PRAME: variants seen among roughly 807,000 people sequenced by gnomAD.
The protein encoded by PRAME is PRAME nuclear receptor transcriptional regulator.
A neutral mutation model predicts 32.1 loss-of-function variants in PRAME; 21 were observed. The ratio of observed to expected loss-of-function variants is 0.65; its 90% CI spans 0.46 to 0.94. PRAME has a LOEUF of 0.94. PRAME is among the 40% of genes least tolerant of loss of function. The probability of loss-of-function intolerance (pLI) is 0.00; values close to 1 mark genes in which losing one functional copy is unlikely to be tolerated. For synonymous variants in PRAME, 274 were observed against 251.5 expected, an observed-to-expected ratio of 1.09 and a Z score of -0.85; for missense variants, 651 against 622.3, an observed-to-expected ratio of 1.05 and a Z score of -0.49.
intron 3 of PRAME, chr22:22,555,754 AT>A: frequency 2.4e-6 from 1 of 421,344 alleles, no homozygotes; most frequent in Non-Finnish European, 5.1e-6. Context: ...CCCAGGTTGC[AT>A]GTTCTCCCTG....
At chr22:22,551,169 G>A in intron 3 of PRAME, 80 bp from the exon 4 acceptor site, 2 of 1,336,586 alleles carry the variant, frequency 1.5e-6, no homozygotes, top group Non-Finnish European at 2.0e-6. Context: ...CCTTCTGAGG[G>A]ACCAACTTAG....
chr22:22,551,069 G>T lies in PRAME; in HGVS notation c.42C>A (p.Tyr14Ter). The T allele has an allele frequency of 6.3e-7, 1 of 1,588,834 alleles. No individual in the cohort carries two copies. Among genetic ancestry groups the T allele is most frequent in the Non-Finnish European group, 8.6e-7 (1 of 1,163,900 alleles). Residue 14 changes from tyrosine (Y) to a stop codon, truncating the protein, a stop_gained, in exon 4 of 6, where the codon TAC (tyrosine) becomes TAA (stop). Transcript: ENST00000405655. LOFTEE classifies it high-confidence loss of function. ...GGCTTGTCCACACACTCATGCTGAT[G>T]TATCGGCTCTGAATGGAACCCTGAG... The part of the protein sequence containing the change: ...RRLWGSIQSR[Y>*]ISMSVWTSPR...
At chr22:22,554,682 T>G (rs569080846) in intron 3 of PRAME, among the ~76,000 whole-genome samples, 2 of 151,924 alleles carry the variant, frequency 1.3e-5, no homozygotes. Context: ...GGGAAGAACC[T>G]GCTCAGCTCC....
intron 3 of PRAME, among the ~76,000 whole-genome samples, chr22:22,556,471 C>A (rs943955035): frequency 6.6e-6 from 1 of 150,822 alleles, no homozygotes; most frequent in African/African-American, 2.4e-5. Flanking sequence ...CCACCACGCC[C>A]GGCTAACTTT....
chr22:22,552,976 A>AT (rs1188419031), intron 3 of PRAME: 16 of 469,468 alleles, frequency 3.4e-5, no homozygotes, highest in African/African-American at 3.2e-4. Context: ...GCCAAATCTA[A>AT]TTACATTCCT....
intron 3 of PRAME, among the ~76,000 whole-genome samples, chr22:22,551,447 G>T (rs1179172993): frequency 6.6e-6 from 1 of 151,890 alleles, no homozygotes; most frequent in African/African-American, 2.4e-5. Flanking sequence ...TCACTCAAAG[G>T]CAATTCAAAT....
At chr22:22,552,492 A>G (rs1200997127) in intron 3 of PRAME, among the ~76,000 whole-genome samples, 2 of 151,848 alleles carry the variant, frequency 1.3e-5, no homozygotes. Context: ...CAATATAAAT[A>G]ATAAATGTTC....
intron 5 of PRAME, among the ~76,000 whole-genome samples, chr22:22,549,029 T>C (rs1031414030): frequency 1.3e-5 from 2 of 151,884 alleles, no homozygotes; most frequent in African/African-American, 2.4e-5. Flanking sequence ...GGCTTCCTTC[T>C]GCCACTGCCT....
rs2062479039 is a variant in PRAME, at chr22:22,550,109, T to G, written c.570A>C (p.Glu190Asp). The change falls in exon 5 of 6, where the codon GAA becomes GAC. Residue 190 changes from glutamate to aspartate, a missense_variant. By Grantham distance (45) the Glu-to-Asp change is conservative (BLOSUM62 2). Transcript: ENST00000405655. Reference sequence around the variant, plus strand: ...CTTTCTCAATGAGGTAGGAGAACAATTCATCACAGGCACCTTCCTTGAGGA... The same window carrying G: ...CTTTCTCAATGAGGTAGGAGAACAAGTCATCACAGGCACCTTCCTTGAGGA... ...DLFLKEGACDELFSYLIEKVK... is the reference protein window; with the variant it reads ...DLFLKEGACDDLFSYLIEKVK... 1 of 1,613,912 alleles carries G rather than the reference T, an allele frequency of 6.2e-7. No individual in the cohort carries two copies. Among genetic ancestry groups the G allele is most frequent in the Admixed American group, 1.7e-5 (1 of 59,994 alleles).
At position 22,550,021 on chromosome 22, in the gene PRAME, T is replaced by C. The variant is rs552167912; in HGVS notation, c.658A>G (p.Met220Val). ...TTCAGGATCATCTTGATATCCTGCA[T>C]GGGCATTGCAAAAATCTTCAGCTTC... Reference protein sequence around the residue: ...CKKLKIFAMPMQDIKMILKMV... With the variant: ...CKKLKIFAMPVQDIKMILKMV... The change falls in exon 5 of 6, where the codon ATG (methionine) becomes GTG (valine). Residue 220 changes from methionine (M) to valine (V), a missense_variant. Met to Val is a conservative substitution (Grantham distance 21, BLOSUM62 1). Coordinates refer to ENST00000405655, the MANE Select transcript of PRAME (RefSeq NM_206956.3). 4 of 1,613,866 alleles carry C rather than the reference T, an allele frequency of 2.5e-6. No homozygotes were observed. The highest frequency in any genetic ancestry group is 1.1e-5 in the South Asian group (1 of 91,068).
At chr22:22,558,845 T>TCGCCC (rs2063160743) in intron 1 of PRAME, 126 bp downstream of exon 1, 1 of 151,950 alleles carries the variant, frequency 6.6e-6, no homozygotes, top group South Asian at 2.1e-4. Flanking sequence ...GCTCAAGTTC[T>TCGCCC]CGCCCCACCC....
In PRAME at chr22:22,549,699, C is replaced by A. The variant is rs1601795056; in HGVS notation, c.953+27G>T. The A allele has an allele frequency of 2.6e-6, 4 of 1,563,056 alleles. No individual in the cohort carries two copies. The South Asian group carries it at 3.7e-5, about 15-fold the overall frequency. The stretch of plus-strand genomic sequence containing the variant: ...GCAATAAGGAAGGGCTTGCTCTGGT[C>A]TGCAGAGAAATCTCACCATCCCTCA... On this transcript the variant is annotated intron_variant, in intron 5 of 5. Transcript: ENST00000405655.
intron 5 of PRAME, 99 bp downstream of exon 5, chr22:22,549,627 T>TGCATTATTGGTGGCTG (rs1247448629): frequency 2.8e-6 from 4 of 1,438,198 alleles, no homozygotes; most frequent in Non-Finnish European, 1.8e-6. Flanking sequence ...TGCTCACTCT[T>TGCATTATTGGTGGCTG]GCATTATTGG....
At chr22:22,556,141 A>C (rs1323535017) in intron 3 of PRAME, among the ~76,000 whole-genome samples, 1 of 151,676 alleles carries the variant, frequency 6.6e-6, no homozygotes, top group Non-Finnish European at 1.5e-5. Flanking sequence ...CTGGGACTAC[A>C]GATGTGGGCC....
Position 22,549,778 on chromosome 22 carries a change from G to A in PRAME, c.901C>T (p.Leu301Phe). 1.2e-6 allele frequency: 2 copies of A among 1,613,638 alleles called. No individual in the cohort carries two copies. Among genetic ancestry groups the A allele is most frequent in the African/African-American group, 1.3e-5 (1 of 74,978 alleles). Reference protein sequence around the residue: ...QFLSLQCLQALYVDSLFFLRG... With the variant: ...QFLSLQCLQAFYVDSLFFLRG... ...AGGAAAAATAAAGAGTCCACATAGA[G>A]AGCCTGCAGGCACTGCAGACTGAGG... The change falls in exon 5 of 6, where the codon CTC becomes TTC. Residue 301 changes from leucine (L) to phenylalanine (F), a missense_variant. Transcript: ENST00000405655.
rs1237672942 is a variant in PRAME, at chr22:22,548,655, C to A, written c.954-12G>T. On this transcript the variant is annotated splice_polypyrimidine_tract_variant and intron_variant, in intron 5 of 5. Transcript: ENST00000405655. Reference sequence around the variant, plus strand: ...GGTTCATCACGTGCCTGCAAATAGACAAAGCAGTTAGTGCTGGGGAATGGT... The same window carrying A: ...GGTTCATCACGTGCCTGCAAATAGAAAAAGCAGTTAGTGCTGGGGAATGGT... 8.3e-6 allele frequency: 13 copies of A among 1,570,950 alleles called. No individual in the cohort carries two copies. The highest frequency in any genetic ancestry group is 1.1e-5 in the South Asian group (1 of 87,808).
At chr22:22,553,903 A>C (rs1601823410) in intron 3 of PRAME, 1 of 985,122 alleles carries the variant, frequency 1.0e-6, no homozygotes, top group Non-Finnish European at 1.2e-6. Context: ...TTTACCACAA[A>C]CATAATCTCC....
intron 3 of PRAME, among the ~76,000 whole-genome samples, chr22:22,556,396 C>T (rs372061847): frequency 2.6e-5 from 4 of 151,712 alleles, no homozygotes; most frequent in Admixed American, 6.6e-5. Flanking sequence ...CTGCAACCTT[C>T]GCCTCCTGGG....
rs1466347508 is a variant in PRAME at position 22,550,282 on chromosome 22, A to G, written c.397T>C (p.Trp133Arg). Residue 133 changes from tryptophan to arginine, a missense_variant, in exon 5 of 6, where the codon TGG becomes CGG. Trp to Arg is a moderately radical substitution (Grantham distance 101, BLOSUM62 -3). Transcript: ENST00000405655. ...GCCCTGTTTCCAGACCATACAGTCC[A>G]GAAGTCCTGATGAGAGTTCTTCCGT... Reference protein sequence around the residue: ...DLRKNSHQDFWTVWSGNRASL... With the variant: ...DLRKNSHQDFRTVWSGNRASL... The G allele has an allele frequency of 3.1e-6, 5 of 1,613,712 alleles. No individual in the cohort carries two copies. Among genetic ancestry groups the G allele is most frequent in the Non-Finnish European group, 3.4e-6 (4 of 1,179,928 alleles).
Sources: allele counts gnomAD v4.1 joint callset (sites outside exome capture counted in the v4.1 genomes callset), GRCh38; gene constraint gnomAD v4.1.1; transcripts MANE v1.5; gene names NCBI Gene and HGNC (gene_info 2026-07-23, HGNC 2026-07-21).